TFB1M: variants seen among roughly 807,000 people sequenced by gnomAD.
The protein encoded by TFB1M is dimethyladenosine transferase 1, mitochondrial.
A neutral mutation model predicts 31.1 loss-of-function variants in TFB1M; 27 were observed. The observed-to-expected ratio is 0.87, with a 90% CI of 0.64 to 1.20. TFB1M has a LOEUF of 1.20. Among genes scored for constraint, TFB1M ranks in the 50% most tolerant of loss-of-function variants. The pLI is 0.00. For missense variants in TFB1M, 394 were observed against 418.7 expected (o/e 0.94, Z 0.51); for synonymous variants, 166 against 151.8 (o/e 1.09, Z -0.69).
intron 4 of TFB1M, among the ~76,000 whole-genome samples, chr6:155,296,426 A>AT (rs71023639): frequency 0.079 from 8,172 of 103,366 alleles, 347 homozygotes; most frequent in East Asian, 0.15. Flanking sequence ...CACCCAGCTA[A>AT]TTTTTTTTTT....
intron 2 of TFB1M, chr6:155,303,592 A>G (rs1402450772): frequency 6.6e-6 from 1 of 152,248 alleles, no homozygotes; most frequent in Non-Finnish European, 1.5e-5. Flanking sequence ...TAAAGTAAAT[A>G]GTTACGTCAC....
At chr6:155,310,990 C>G (rs768904774) in intron 2 of TFB1M, 198 bp downstream of exon 2, 3 of 628,348 alleles carry the variant, frequency 4.8e-6, no homozygotes, top group East Asian at 5.6e-5. Context: ...TCAATAGACC[C>G]TCTGAGAGTG....
chr6:155,242,911 TTTC>T, the TFB1M span, among the ~76,000 whole-genome samples: 4 of 125,482 alleles, frequency 3.2e-5, no homozygotes, highest in East Asian at 3.9e-4. Flanking sequence ...ATTTTTTTTT[TTTC>T]TTTTTTTTAG....
At chr6:155,250,174 T>C in the TFB1M span, among the ~76,000 whole-genome samples, 1 of 152,158 alleles carries the variant, frequency 6.6e-6, no homozygotes, top group Non-Finnish European at 1.5e-5. Context: ...TATAACCTTA[T>C]GTCACGTTCA....
At chr6:155,312,616 G>A (rs1175395601) in intron 1 of TFB1M, among the ~76,000 whole-genome samples, 3 of 152,024 alleles carry the variant, frequency 2.0e-5, no homozygotes, top group Admixed American at 6.5e-5. Flanking sequence ...TTAAAGAAGC[G>A]CTATCAAATC....
intron 2 of TFB1M, among the ~76,000 whole-genome samples, chr6:155,300,931 A>G (rs547279104): frequency 1.3e-5 from 2 of 152,078 alleles, no homozygotes; most frequent in East Asian, 1.9e-4. Flanking sequence ...CAGCTTCCCT[A>G]AGAGCTGGGA....
chr6:155,246,652 T>C, the TFB1M span, among the ~76,000 whole-genome samples: 3 of 152,090 alleles, frequency 2.0e-5, no homozygotes, highest in African/African-American at 7.2e-5. Flanking sequence ...CACCTTTGTA[T>C]TGACAGTCTG....
intron 2 of TFB1M, among the ~76,000 whole-genome samples, chr6:155,301,017 C>CTGGT (rs1412007199): frequency 1.3e-5 from 2 of 152,088 alleles, no homozygotes; most frequent in African/African-American, 4.8e-5. Context: ...GTTGCCCAGG[C>CTGGT]TGGTCTCTAA....
At chr6:155,241,112 C>T in the TFB1M span, among the ~76,000 whole-genome samples, 26 of 152,248 alleles carry the variant, frequency 1.7e-4, no homozygotes, top group Non-Finnish European at 3.2e-4. Context: ...GGCGGTGGCC[C>T]GGGCCAGCCC....
At chr6:155,240,776 G>T in the TFB1M span, 18 of 1,524,454 alleles carry the variant, frequency 1.2e-5, no homozygotes. Context: ...TGCTGGCAGA[G>T]GTCCCCAGAT....
intron 6 of TFB1M, among the ~76,000 whole-genome samples, chr6:155,259,053 G>A (rs1401859873): frequency 2.6e-5 from 4 of 152,172 alleles, no homozygotes; most frequent in Non-Finnish European, 5.9e-5. Context: ...GGGTTGCCTT[G>A]GAAACGCTAG....
chr6:155,308,863 T>C (rs1369421094), intron 2 of TFB1M, among the ~76,000 whole-genome samples: 26 of 152,164 alleles, frequency 1.7e-4, no homozygotes. Context: ...TCTTTCTGCT[T>C]TTACTCAGTT....
At chr6:155,280,560 G>C (rs1027473195) in intron 5 of TFB1M, among the ~76,000 whole-genome samples, 1 of 152,104 alleles carries the variant, frequency 6.6e-6, no homozygotes, top group East Asian at 1.9e-4. Flanking sequence ...GAGGGCCCTT[G>C]TCAATACATC....
At chr6:155,244,959 A>AT in the TFB1M span, 4 of 826,084 alleles carry the variant, frequency 4.8e-6, no homozygotes, top group Non-Finnish European at 6.7e-6. Context: ...AAGGCTGTAT[A>AT]TATTTTTTTT....
intron 1 of TFB1M, among the ~76,000 whole-genome samples, chr6:155,313,748 C>T (rs1778119155): frequency 2.6e-5 from 4 of 152,254 alleles, no homozygotes. Flanking sequence ...TATCCTACCC[C>T]CGGCACTAGC....
chr6:155,296,174 G>A (rs1777162795), intron 4 of TFB1M, among the ~76,000 whole-genome samples: 1 of 152,084 alleles, frequency 6.6e-6, no homozygotes, highest in Non-Finnish European at 1.5e-5. Flanking sequence ...ACTTCACTGA[G>A]GTGAGGGAGG....
the TFB1M span, among the ~76,000 whole-genome samples, chr6:155,242,003 C>A: frequency 6.6e-6 from 1 of 152,180 alleles, no homozygotes; most frequent in Non-Finnish European, 1.5e-5. Context: ...TCCTGTTAGG[C>A]CACGCTGTAC....
intron 2 of TFB1M, among the ~76,000 whole-genome samples, chr6:155,302,676 T>C (rs1014001534): frequency 3.9e-5 from 6 of 152,192 alleles, no homozygotes; most frequent in South Asian, 2.1e-4. Context: ...ATATCTAAAA[T>C]TATTTTTATA....
chr6:155,306,016 GAC>G (rs1351321759), intron 2 of TFB1M, among the ~76,000 whole-genome samples: 2 of 151,006 alleles, frequency 1.3e-5, no homozygotes, highest in Non-Finnish European at 3.0e-5. Flanking sequence ...AATTCAATAA[GAC>G]AAAAAAAGTA....
Sources: allele counts gnomAD v4.1 joint callset (sites outside exome capture counted in the v4.1 genomes callset), GRCh38; gene constraint gnomAD v4.1.1; transcripts MANE v1.5; gene names NCBI Gene and HGNC (gene_info 2026-07-23, HGNC 2026-07-21).